GPR83: variants seen among roughly 807,000 people sequenced by gnomAD.
GPR83 encodes the protein G protein-coupled receptor 83.
GPR83 carries 23 observed loss-of-function variants against 28.0 expected under a neutral mutation model. That is an observed-to-expected ratio of 0.82 (90% CI 0.59 to 1.16). The LOEUF is 1.16. GPR83 is among the 50% of genes most tolerant of loss of function. GPR83 has a pLI of 0.00. For missense variants in GPR83, 610 were observed against 536.6 expected (o/e 1.14, Z -1.35); for synonymous variants, 234 against 215.4 (o/e 1.09, Z -0.76).
intron 3 of GPR83, among the ~76,000 whole-genome samples, chr11:94,385,409 G>A (rs1944743294): frequency 6.6e-6 from 1 of 151,160 alleles, no homozygotes; most frequent in African/African-American, 2.5e-5. Context: ...CAAGCTAAAG[G>A]AGGAAGTTCG....
rs555598619 is a variant in GPR83, at chr11:94,380,625, G to A, written c.796C>T (p.Leu266=). 3.7e-6 allele frequency: 6 copies of A among 1,614,142 alleles called. No homozygotes were observed. In the South Asian group the frequency reaches 4.4e-5, roughly 12 times the overall value. ...TCGCCAATCATATTACACAGCCACA[G>A]TTTCTTGGCCACACGAGCGTAGGCC... ...SVAYARVAKK[L]WLCNMIGDVT... is the part of the protein sequence containing the mutation. Residue 266 remains leucine, a synonymous_variant, in exon 4 of 4, where the codon CTG becomes TTG. Coordinates refer to ENST00000243673, the MANE Select transcript of GPR83 (RefSeq NM_016540.4).
chr11:94,383,547 C>T (rs915376214), intron 3 of GPR83, among the ~76,000 whole-genome samples: 2 of 152,056 alleles, frequency 1.3e-5, no homozygotes, highest in Non-Finnish European at 2.9e-5. Flanking sequence ...AAACCAGGAG[C>T]TGGTTTTTTG....
intron 3 of GPR83, among the ~76,000 whole-genome samples, chr11:94,391,821 C>T (rs1331983497): frequency 6.6e-6 from 1 of 152,136 alleles, no homozygotes; most frequent in Non-Finnish European, 1.5e-5. Context: ...AGTCAGGAAA[C>T]AATTGATGCT....
intron 3 of GPR83, among the ~76,000 whole-genome samples, chr11:94,391,212 A>T (rs1220393439): frequency 6.6e-6 from 1 of 152,202 alleles, no homozygotes; most frequent in Non-Finnish European, 1.5e-5. Flanking sequence ...TGACACAAAC[A>T]CACAATGAGG....
chr11:94,396,316 A>C, intron 2 of GPR83, 83 bp downstream of exon 2: 1 of 1,361,952 alleles, frequency 7.3e-7, no homozygotes, highest in Non-Finnish European at 1.0e-6. Flanking sequence ...CTGGGCTAAA[A>C]CACTGTCTTC....
rs1417034292 is a variant in GPR83 at position 94,401,301 on chromosome 11, CTGGGA to C, written c.-59_-55del. ...CCTGCGGGCCGGGCGTCCCCTCCCG[CTGGGA>C]TCGGAGCGCGCAGCCGGGGTGCGGG... On this transcript the variant is annotated 5_prime_UTR_variant, in exon 1 of 4. Transcript: ENST00000243673. 5.3e-6 allele frequency: 8 copies of C among 1,515,986 alleles called. No homozygotes were observed. In the African/African-American group the frequency reaches 1.1e-4, roughly 21 times the overall value. 93.9% of individuals were successfully genotyped at this position (1,515,986 alleles called of 1,614,324 possible).
chr11:94,387,797 A>G (rs560199965), intron 3 of GPR83, among the ~76,000 whole-genome samples: 1 of 151,766 alleles, frequency 6.6e-6, no homozygotes, highest in African/African-American at 2.4e-5. Context: ...CAATCAATAG[A>G]AAAAGAGGGA....
intron 2 of GPR83, among the ~76,000 whole-genome samples, chr11:94,395,480 C>A (rs975821137): frequency 2.0e-5 from 3 of 152,172 alleles, no homozygotes; most frequent in African/African-American, 7.2e-5. Flanking sequence ...GCCAGACAGA[C>A]CTCAGTCCTA....
At chr11:94,393,208 C>T (rs529448249) in intron 3 of GPR83, among the ~76,000 whole-genome samples, 1 of 152,124 alleles carries the variant, frequency 6.6e-6, no homozygotes, top group South Asian at 2.1e-4. Flanking sequence ...AGTACGGCAC[C>T]CTGGTGACAG....
intron 2 of GPR83, 35 bp from the exon 3 acceptor site, chr11:94,393,653 ACG>A: frequency 6.2e-7 from 1 of 1,610,860 alleles, no homozygotes; most frequent in East Asian, 2.2e-5. Context: ...CTAACTGAAG[ACG>A]TTTTGGAGCA....
rs183563260 is a variant in GPR83 at position 94,382,935 on chromosome 11, C to A, written c.648-2162G>T. Among the ~76,000 whole-genome samples the A allele has an allele frequency of 4.7e-4, 71 of 152,006 alleles. 2 individuals carry two copies. The South Asian group carries it at 0.015, about 31-fold the overall frequency. On this transcript the variant is annotated intron_variant, in intron 3 of 3. Coordinates refer to ENST00000243673, the MANE Select transcript of GPR83 (RefSeq NM_016540.4). Reference sequence around the variant, plus strand: ...ATCCCAGCACTTTCGGAGGCCAAGGCGGGCGGATCATGAGGTCAGGAGCTT... The same window carrying A: ...ATCCCAGCACTTTCGGAGGCCAAGGAGGGCGGATCATGAGGTCAGGAGCTT...
intron 3 of GPR83, 123 bp downstream of exon 3, chr11:94,393,362 A>T: frequency 2.5e-6 from 2 of 815,868 alleles, no homozygotes; most frequent in Non-Finnish European, 4.1e-6. Context: ...AGAAAGACTC[A>T]GTAAGACAGG....
chr11:94,399,955 G>A (rs1464098225), intron 1 of GPR83, among the ~76,000 whole-genome samples: 1 of 152,152 alleles, frequency 6.6e-6, no homozygotes, highest in Non-Finnish European at 1.5e-5. Flanking sequence ...AATGCCCCCA[G>A]CCTGCCCGAT....
At chr11:94,393,790 G>A (rs1048011254) in intron 2 of GPR83, among the ~76,000 whole-genome samples, 172 bp from the exon 3 acceptor site, 2 of 152,148 alleles carry the variant, frequency 1.3e-5, no homozygotes, top group African/African-American at 2.4e-5. Context: ...GTGAGACCCT[G>A]TCTCTATATA....
intron 3 of GPR83, among the ~76,000 whole-genome samples, chr11:94,388,270 G>T (rs1293320369): frequency 6.6e-6 from 1 of 152,182 alleles, no homozygotes; most frequent in Non-Finnish European, 1.5e-5. Flanking sequence ...CACAAGACAG[G>T]CATGCCCTCT....
intron 3 of GPR83, among the ~76,000 whole-genome samples, chr11:94,382,951 T>G (rs760230307): frequency 9.0e-4 from 137 of 151,754 alleles, no homozygotes; most frequent in Non-Finnish European, 1.6e-3. Flanking sequence ...GATCATGAGG[T>G]CAGGAGCTTG....
At position 94,388,090 on chromosome 11, in the gene GPR83, T is replaced by A. The variant is rs187846307; in HGVS notation, c.647+5395A>T. On this transcript the variant is annotated intron_variant, in intron 3 of 3. Transcript: ENST00000243673. ...GACAAAAACCACACGATTATCTCAA[T>A]AGATGCAGAAAAGGCCTTTGACAAA... Among the ~76,000 whole-genome samples the A allele has an allele frequency of 4.1e-4, 62 of 152,272 alleles. 1 individual carries two copies. Among genetic ancestry groups the A allele is most frequent in the Non-Finnish European group, 5.4e-4 (37 of 68,024 alleles).
At chr11:94,397,676 C>G (rs1310059028) in intron 1 of GPR83, among the ~76,000 whole-genome samples, 1 of 152,218 alleles carries the variant, frequency 6.6e-6, no homozygotes, top group Non-Finnish European at 1.5e-5. Context: ...GTAGGTACAA[C>G]AGTGCCTAGT....
chr11:94,386,528 A>G (rs1944758013), intron 3 of GPR83, among the ~76,000 whole-genome samples: 1 of 152,224 alleles, frequency 6.6e-6, no homozygotes, highest in South Asian at 2.1e-4. Flanking sequence ...TGGAAAACAA[A>G]AAAACGCAGG....
Sources: gnomAD v4.1 joint callset for allele counts (sites outside exome capture counted in the v4.1 genomes callset) on GRCh38, gnomAD v4.1.1 for gene constraint, MANE v1.5 for transcripts, NCBI Gene and HGNC (gene_info 2026-07-23, HGNC 2026-07-21) for gene names.